Variants in C12orf42 observed in about 807,000 individuals in gnomAD.
C12orf42 encodes the protein chromosome 12 open reading frame 42, also known as uncharacterized protein C12orf42.
In C12orf42, 25 loss-of-function variants were observed where a neutral mutation model predicts 21.6. The ratio of observed to expected loss-of-function variants is 1.16; its 90% CI spans 0.84 to 1.62. The LOEUF (loss-of-function observed/expected upper bound fraction) is 1.62, where lower values mean the gene tolerates loss of function less well. Among genes scored for constraint, C12orf42 ranks in the 40% most tolerant of loss-of-function variants. C12orf42 has a pLI of 0.00. For missense variants in C12orf42, 483 were observed against 459.3 expected, an observed-to-expected ratio of 1.05 and a Z score of -0.47; for synonymous variants, 174 against 175.0, an observed-to-expected ratio of 0.99 and a Z score of 0.05.
the C12orf42 span, among the ~76,000 whole-genome samples, chr12:103,083,135 C>T: frequency 5.3e-5 from 8 of 152,136 alleles, no homozygotes; most frequent in South Asian, 2.1e-4. Context: ...GAGGCCGAGG[C>T]GGGTGGATCA....
At chr12:103,302,925 A>C (rs2037879795) in intron 5 of C12orf42, among the ~76,000 whole-genome samples, 1 of 152,186 alleles carries the variant, frequency 6.6e-6, no homozygotes, top group South Asian at 2.1e-4. Context: ...AAATGAAGGG[A>C]AAGTTTGTGA....
intron 4 of C12orf42, among the ~76,000 whole-genome samples, chr12:103,282,701 C>T (rs529672681): frequency 1.3e-5 from 2 of 152,232 alleles, no homozygotes; most frequent in East Asian, 1.9e-4. Context: ...TGGAAAAAAG[C>T]GATGAGGACT....
At chr12:103,527,674 A>G in the C12orf42 span, among the ~76,000 whole-genome samples, 5 of 152,134 alleles carry the variant, frequency 3.3e-5, no homozygotes, top group Admixed American at 3.3e-4. Flanking sequence ...GGGACCATAA[A>G]TTCCCAGTTA....
upstream of C12orf42, among the ~76,000 whole-genome samples, chr12:103,496,629 C>CA (rs1955555755): frequency 6.6e-6 from 1 of 152,080 alleles, no homozygotes; most frequent in African/African-American, 2.4e-5. Flanking sequence ...TGCACAGAAC[C>CA]AAAGAGTTGT....
intron 1 of C12orf42, among the ~76,000 whole-genome samples, chr12:103,493,767 G>T (rs766539112): frequency 3.0e-4 from 43 of 141,416 alleles, no homozygotes; most frequent in Non-Finnish European, 5.4e-4. Context: ...AGGAGAAAAA[G>T]ACAAGAAATT....
intron 10 of C12orf42, among the ~76,000 whole-genome samples, chr12:103,247,509 T>A (rs2034066645): frequency 6.6e-6 from 1 of 152,086 alleles, no homozygotes; most frequent in African/African-American, 2.4e-5. Flanking sequence ...AGGGATAAAA[T>A]GTTTAAATGC....
chr12:103,435,517 A>G (rs1950625432), intron 2 of C12orf42, among the ~76,000 whole-genome samples: 1 of 152,220 alleles, frequency 6.6e-6, no homozygotes, highest in Non-Finnish European at 1.5e-5. Context: ...AATTTAGAAT[A>G]ATGTATAACT....
rs905521516 is a variant in C12orf42, at chr12:103,302,199, C to G, written c.992G>C (p.Cys331Ser). ...HFPSKRLIKV[C>S]SSAPPRPTRR... ...GGTTGGGCGGGGGGGTGCTGAGGAG[C>G]AAACCTTTATTAACCTCTTGGAGGG... is the stretch of plus-strand genomic sequence containing the variant. Residue 331 changes from cysteine to serine, a missense_variant, in exon 6 of 6, where the codon TGC (cysteine) becomes TCC (serine). Cys to Ser is a moderately radical substitution (Grantham distance 112). Coordinates refer to ENST00000548883, the MANE Select transcript of C12orf42 (RefSeq NM_198521.5). 1.2e-6 allele frequency: 2 copies of G among 1,612,362 alleles called. No individual in the cohort carries two copies. Among genetic ancestry groups the G allele is most frequent in the Non-Finnish European group, 1.7e-6 (2 of 1,179,294 alleles).
At chr12:103,202,211 G>A in the C12orf42 span, among the ~76,000 whole-genome samples, 1 of 152,208 alleles carries the variant, frequency 6.6e-6, no homozygotes, top group Non-Finnish European at 1.5e-5. Context: ...ATCAGGACGA[G>A]TAAAGGTGGA....
intron 5 of C12orf42, 38 bp from the exon 6 acceptor site, chr12:103,302,597 C>A: frequency 6.5e-7 from 1 of 1,548,166 alleles, no homozygotes; most frequent in South Asian, 1.2e-5. Flanking sequence ...AGAGATGAGG[C>A]TCAAGCGTGC....
At chr12:103,133,744 C>A in the C12orf42 span, among the ~76,000 whole-genome samples, 1 of 152,268 alleles carries the variant, frequency 6.6e-6, no homozygotes, top group South Asian at 2.1e-4. Flanking sequence ...TTTCCGTAAT[C>A]CCCACGTGTG....
At chr12:103,333,546 G>A (rs1032035745) in intron 4 of C12orf42, among the ~76,000 whole-genome samples, 11 of 152,204 alleles carry the variant, frequency 7.2e-5, no homozygotes, top group South Asian at 6.2e-4. Context: ...CAGAAGCAAG[G>A]AAGAAACAAA....
At chr12:103,433,980 TAA>T (rs1244102740) in intron 2 of C12orf42, among the ~76,000 whole-genome samples, 1 of 152,234 alleles carries the variant, frequency 6.6e-6, no homozygotes, top group African/African-American at 2.4e-5. Context: ...AGAATTTCTA[TAA>T]GAGTTTTAAA....
chr12:103,413,068 C>T (rs578160521), intron 2 of C12orf42, among the ~76,000 whole-genome samples: 54 of 152,260 alleles, frequency 3.5e-4, no homozygotes, highest in African/African-American at 1.2e-3. Context: ...CCTAAGTTGT[C>T]TTCTGGATTT....
At chr12:103,324,037 G>T (rs774522118) in intron 4 of C12orf42, among the ~76,000 whole-genome samples, 1 of 151,926 alleles carries the variant, frequency 6.6e-6, no homozygotes, top group Non-Finnish European at 1.5e-5. Context: ...TAACACTATG[G>T]CAAAAAAATC....
intron 4 of C12orf42, among the ~76,000 whole-genome samples, chr12:103,313,634 A>G (rs1379095892): frequency 1.3e-5 from 2 of 152,258 alleles, no homozygotes; most frequent in African/African-American, 4.8e-5. Context: ...GAATTAAACA[A>G]CAGGAGTTTA....
intron 4 of C12orf42, among the ~76,000 whole-genome samples, chr12:103,356,272 G>C (rs190668819): frequency 1.4e-4 from 22 of 151,838 alleles, no homozygotes; most frequent in African/African-American, 5.1e-4. Context: ...CTCTAGCTCA[G>C]ATCTTAATTC....
intron 2 of C12orf42, among the ~76,000 whole-genome samples, chr12:103,459,091 A>AT (rs1295184270): frequency 3.3e-5 from 5 of 152,138 alleles, no homozygotes; most frequent in African/African-American, 1.2e-4. Context: ...GTCTAAGAAA[A>AT]TATCTACAAC....
At chr12:103,503,632 G>T in the C12orf42 span, 1 of 152,736 alleles carries the variant, frequency 6.5e-6, no homozygotes, top group South Asian at 2.0e-4. Context: ...GAGGCACTGA[G>T]GCACCTGGCA....
Sources: allele counts gnomAD v4.1 joint callset (sites outside exome capture counted in the v4.1 genomes callset), GRCh38; gene constraint gnomAD v4.1.1; transcripts MANE v1.5; gene names NCBI Gene and HGNC (gene_info 2026-07-23, HGNC 2026-07-21).